Variants in UBTF observed in about 807,000 individuals in gnomAD.
UBTF encodes nucleolar transcription factor 1.
UBTF carries 8 observed loss-of-function variants against 112.3 expected under a neutral mutation model. That is an observed-to-expected ratio of 0.07 (90% CI 0.04 to 0.13). The LOEUF is 0.13. Ranked by LOEUF, UBTF falls within the 10% of genes least tolerant of loss-of-function variation. The probability of loss-of-function intolerance (pLI) is 1.00; values close to 1 mark genes in which losing one functional copy is unlikely to be tolerated. For missense variants in UBTF, 457 were observed against 982.1 expected, an observed-to-expected ratio of 0.47 and a Z score of 7.15; for synonymous variants, 417 against 373.1, an observed-to-expected ratio of 1.12 and a Z score of -1.36.
Position 44,211,055 on chromosome 17 carries a change from G to A in UBTF, c.1187C>T (p.Ala396Val). ...TCTGCCCACCTTGCCCCCTTCCTGGGCTGGCTTCTTGGAGGCGGGGCTGGT... is the reference window on the plus strand; with the variant it reads ...TCTGCCCACCTTGCCCCCTTCCTGGACTGGCTTCTTGGAGGCGGGGCTGGT... ...QATSPASKKP[A>V]QEGGKGGSEK... Residue 396 changes from alanine to valine, a missense_variant, in exon 12 of 21, where the codon GCC becomes GTC. Ala to Val is a moderately conservative substitution (Grantham distance 64). Coordinates refer to ENST00000436088, the MANE Select transcript of UBTF (RefSeq NM_014233.4). This position sits in a 1 kb window ranked among gnomAD's most constrained non-coding sequence, Gnocchi z 4.9. 6.2e-7 allele frequency: 1 copy of A among 1,612,098 alleles called. No homozygotes were observed. Among genetic ancestry groups the A allele is most frequent in the Non-Finnish European group, 8.5e-7 (1 of 1,179,808 alleles).
upstream of UBTF, among the ~76,000 whole-genome samples, chr17:44,220,164 G>A (rs2144565441): frequency 6.6e-6 from 1 of 151,722 alleles, no homozygotes; most frequent in East Asian, 2.0e-4. Flanking sequence ...GCGGGCGGGC[G>A]CCGAGAGCGA....
intron 17 of UBTF, 53 bp downstream of exon 17, chr17:44,209,299 C>T: frequency 6.5e-7 from 1 of 1,531,046 alleles, no homozygotes; most frequent in Non-Finnish European, 8.8e-7. Flanking sequence ...TAGGATGGTG[C>T]TGGCTTAGTC....
At chr17:44,209,014 C>T (rs528904293) in intron 17 of UBTF, 1 of 318,630 alleles carries the variant, frequency 3.1e-6, no homozygotes, top group Non-Finnish European at 6.2e-6. Flanking sequence ...ACTAAAAATA[C>T]AAAAATTAGC....
Position 44,206,438 on chromosome 17 carries a change from T to TCACA in UBTF, c.*803_*804insTGTG, listed in dbSNP as rs762234503. On this transcript the variant is annotated 3_prime_UTR_variant, in exon 21 of 21. Coordinates refer to ENST00000436088, the MANE Select transcript of UBTF (RefSeq NM_014233.4). ...TACACACACACACACACACTCACAC[T>TCACA]CTTTTGCACACATCCACAGCTGCAC... 1.4e-5 allele frequency: 2 copies of TCACA among 142,160 alleles called. No individual in the cohort carries two copies. Among genetic ancestry groups the TCACA allele is most frequent in the South Asian group, 2.2e-4 (1 of 4,614 alleles). The allele number at this position is 142,160 out of a possible 1,614,324, so 8.8% of individuals were successfully genotyped here. A position where few individuals can be genotyped will look rare whatever the true frequency, so the allele number is the denominator to read the frequency against.
chr17:44,213,384 C>A, intron 5 of UBTF, 102 bp from the exon 6 acceptor site: 1 of 1,285,362 alleles, frequency 7.8e-7, no homozygotes, highest in Middle Eastern at 2.1e-4. Context: ...CTGCCTCCCA[C>A]GCTGTGATGC....
At chr17:44,207,421 C>T in intron 20 of UBTF, 33 bp downstream of exon 20, 1 of 1,611,944 alleles carries the variant, frequency 6.2e-7, no homozygotes, top group South Asian at 1.1e-5. Context: ...GGCAGGACTC[C>T]CCTCCCCTCC....
rs1411984776 is a variant in UBTF at position 44,205,129 on chromosome 17, C to T, written c.*2113G>A. 6.6e-6 allele frequency: 1 copy of T among 152,642 alleles called. No homozygotes were observed. The highest frequency in any genetic ancestry group is 1.5e-5 in the Non-Finnish European group (1 of 68,036). The allele number at this position is 152,642 out of a possible 1,614,324, so 9.5% of individuals were successfully genotyped here. On this transcript the variant is annotated 3_prime_UTR_variant, in exon 21 of 21. Coordinates refer to ENST00000436088, the MANE Select transcript of UBTF (RefSeq NM_014233.4). Reference sequence around the variant, plus strand: ...GGCAGACACCTCTAAGCCACTCCCTCCCACCTCCCATGATACAAATTCAAG... The same window carrying T: ...GGCAGACACCTCTAAGCCACTCCCTTCCACCTCCCATGATACAAATTCAAG...
chr17:44,210,563 C>T, intron 13 of UBTF, 90 bp from the exon 14 acceptor site: 2 of 1,451,108 alleles, frequency 1.4e-6, no homozygotes, highest in East Asian at 2.5e-5. Context: ...CGCCGGCGGG[C>T]AGAAGCATGG....
intron 2 of UBTF, among the ~76,000 whole-genome samples, chr17:44,217,138 T>C (rs1354248682): frequency 6.6e-6 from 1 of 152,156 alleles, no homozygotes; most frequent in East Asian, 1.9e-4. Context: ...TCTGAGTGGA[T>C]ATTCTAAATG....
At position 44,207,029 on chromosome 17, in the gene UBTF, C is replaced by A. The variant is rs1177124951; in HGVS notation, c.*213G>T. 1 of 598,142 alleles carries A rather than the reference C, an allele frequency of 1.7e-6. No individual in the cohort carries two copies. 37.1% of individuals were successfully genotyped at this position (598,142 alleles called of 1,614,324 possible). On this transcript the variant is annotated 3_prime_UTR_variant, in exon 21 of 21. Transcript: ENST00000436088. ...GATAGTTGCTGTCCCTGGAGGAGGACCCCCAAGGGCTGATGTCTCTGAGGC... is the reference window on the plus strand; with the variant it reads ...GATAGTTGCTGTCCCTGGAGGAGGAACCCCAAGGGCTGATGTCTCTGAGGC...
At position 44,207,311 on chromosome 17, in the gene UBTF, A is replaced by T. The variant is rs756223875; in HGVS notation, c.2226T>A (p.Asp742Glu). The T allele has an allele frequency of 3.7e-6, 6 of 1,612,856 alleles. No homozygotes were observed. Among genetic ancestry groups the T allele is most frequent in the Non-Finnish European group, 5.1e-6 (6 of 1,179,560 alleles). ...DDDEDDDEDE[D>E]NESEGSSSSS... Reference sequence around the variant, plus strand: ...TGGAGCTGCTGCCCTCGGACTCATTATCTTCATCCTCATCGTCATCCTCGT... The same window carrying T: ...TGGAGCTGCTGCCCTCGGACTCATTTTCTTCATCCTCATCGTCATCCTCGT... The change falls in exon 21 of 21, where the codon GAT becomes GAA. Residue 742 changes from aspartate (D) to glutamate (E), a missense_variant. Coordinates refer to ENST00000436088, the MANE Select transcript of UBTF (RefSeq NM_014233.4).
At chr17:44,217,459 A>C (rs953466901) in intron 2 of UBTF, among the ~76,000 whole-genome samples, 1 of 152,228 alleles carries the variant, frequency 6.6e-6, no homozygotes, top group Non-Finnish European at 1.5e-5. Flanking sequence ...GTTATTTTTC[A>C]GCCACTGAAA....
At chr17:44,220,530 C>G (rs1275734192), upstream of UBTF, among the ~76,000 whole-genome samples, 2 of 151,844 alleles carry the variant, frequency 1.3e-5, no homozygotes, top group African/African-American at 4.8e-5. Flanking sequence ...AAACTAAAAC[C>G]TCTGCATTAA....
rs778779288 is a variant in UBTF, at chr17:44,211,261, G to A, written c.1089+29C>T. 7 of 1,614,162 alleles carry A rather than the reference G, an allele frequency of 4.3e-6. No homozygotes were observed. The highest frequency in any genetic ancestry group is 1.1e-5 in the South Asian group (1 of 91,084). On this transcript the variant is annotated intron_variant, in intron 11 of 20. Coordinates refer to ENST00000436088, the MANE Select transcript of UBTF (RefSeq NM_014233.4). The surrounding 1 kb of genome is among the most constrained non-coding windows in gnomAD (Gnocchi z 4.9). ...TGCCTGCCAAGTCCCAGTCTTCTCT[G>A]CCCACTGCCCCACCGGAGGAACACT... is the stretch of plus-strand genomic sequence containing the variant.
At chr17:44,216,753 C>A (rs780094682) in intron 2 of UBTF, 49 bp from the exon 3 acceptor site, 4 of 1,588,200 alleles carry the variant, frequency 2.5e-6, no homozygotes, top group Admixed American at 3.3e-5. Flanking sequence ...GCTATCCCCC[C>A]GATCTGTTCC....
At chr17:44,216,344 T>C (rs1483691647) in intron 3 of UBTF, 185 bp downstream of exon 3, 2 of 701,344 alleles carry the variant, frequency 2.9e-6, no homozygotes, top group Non-Finnish European at 4.8e-6. Context: ...GAAAGTGGCA[T>C]AACTTTAAGC....
At position 44,215,744 on chromosome 17, in the gene UBTF, G is replaced by T; in HGVS notation, c.384C>A (p.Ala128=). The change falls in exon 5 of 21, where the codon GCC becomes GCA. Residue 128 remains alanine (A), a synonymous_variant. Transcript: ENST00000436088. ...PYFRFFMEKR[A]KYAKLHPEMS... The stretch of plus-strand genomic sequence containing the variant: ...TCTCAGGGTGGAGTTTCGCATACTT[G>T]GCCCGCTTCTCCATGAAGAAGCGGA... 1 of 1,614,092 alleles carries T rather than the reference G, an allele frequency of 6.2e-7. No individual in the cohort carries two copies. Among genetic ancestry groups the T allele is most frequent in the Non-Finnish European group, 8.5e-7 (1 of 1,180,016 alleles).
At chr17:44,207,996 G>A (rs2056376327) in intron 17 of UBTF, 85 bp from the exon 18 acceptor site, 2 of 1,558,294 alleles carry the variant, frequency 1.3e-6, no homozygotes, top group Non-Finnish European at 1.8e-6. Context: ...GCAGTGGGCT[G>A]AGCATTTATA....
chr17:44,215,849 TC>T (rs746134593), intron 4 of UBTF, 40 bp from the exon 5 acceptor site: 21 of 1,613,898 alleles, frequency 1.3e-5, no homozygotes, highest in Non-Finnish European at 1.7e-5. Context: ...GTCAAATACA[TC>T]CCTTCTTTGG....
Sources: allele counts gnomAD v4.1 joint callset (sites outside exome capture counted in the v4.1 genomes callset), GRCh38; gene constraint gnomAD v4.1.1; non-coding constraint Gnocchi (gnomAD v3.1); transcripts MANE v1.5; gene names NCBI Gene and HGNC (gene_info 2026-07-23, HGNC 2026-07-21).